Variants in DCC observed in about 807,000 individuals in gnomAD.
DCC encodes netrin receptor DCC.
Under a neutral mutation model 172.5 loss-of-function variants are expected in DCC, and 58 were observed. The ratio of observed to expected loss-of-function variants is 0.34; its 90% confidence interval spans 0.27 to 0.42. DCC has a LOEUF of 0.42. Ranked by LOEUF, DCC falls within the 10% of genes least tolerant of loss-of-function variation. The pLI is 1.00. For synonymous variants in DCC, 709 were observed against 644.5 expected, an observed-to-expected ratio of 1.10 and a Z score of -1.52; for missense variants, 1,740 against 1,791.0, an observed-to-expected ratio of 0.97 and a Z score of 0.51.
intron 2 of DCC, among the ~76,000 whole-genome samples, chr18:52,817,120 TTAAGA>T (rs1489582204): frequency 6.6e-6 from 1 of 152,250 alleles, no homozygotes; most frequent in Non-Finnish European, 1.5e-5. Flanking sequence ...CAATTATTAC[TTAAGA>T]TAATAAAGAA....
intron 5 of DCC, among the ~76,000 whole-genome samples, chr18:53,055,878 T>C (rs1303274180): frequency 6.6e-6 from 1 of 152,124 alleles, no homozygotes; most frequent in Non-Finnish European, 1.5e-5. Context: ...AAAGATCAAG[T>C]TAGCCAAATA....
intron 17 of DCC, among the ~76,000 whole-genome samples, chr18:53,394,401 T>C (rs181193466): frequency 2.1e-4 from 32 of 152,338 alleles, no homozygotes; most frequent in African/African-American, 7.7e-4. Flanking sequence ...AGTGTCCTTC[T>C]AGTTCCATTT....
intron 1 of DCC, chr18:52,409,081 T>A (rs1986754377): frequency 6.6e-6 from 1 of 152,130 alleles, no homozygotes; most frequent in Admixed American, 6.6e-5. Flanking sequence ...ATGTTTTGAT[T>A]CATTATTTCA....
At chr18:53,273,787 A>G (rs1320017075) in intron 12 of DCC, among the ~76,000 whole-genome samples, 1 of 151,366 alleles carries the variant, frequency 6.6e-6, no homozygotes, top group Non-Finnish European at 1.5e-5. Flanking sequence ...CAACTCAGCA[A>G]CACTTCAGGG....
In DCC at chr18:53,129,193, T is replaced by G. The variant is rs1448912975; in HGVS notation, c.1262-28163T>G. On this transcript the variant is annotated intron_variant, in intron 7 of 28. Transcript: ENST00000442544. The stretch of plus-strand genomic sequence containing the variant: ...TGAGACACTGTTCTCAGCCTCTATA[T>G]TCTTAAATAATATTCATGAATAGGC... Among the ~76,000 whole-genome samples, 6 of 152,172 alleles carry G rather than the reference T, an allele frequency of 3.9e-5. No individual in the cohort carries two copies. In the East Asian group the frequency reaches 1.2e-3, roughly 29 times the overall value.
intron 5 of DCC, among the ~76,000 whole-genome samples, chr18:52,953,166 A>G (rs1481425160): frequency 6.6e-6 from 1 of 152,194 alleles, no homozygotes; most frequent in Non-Finnish European, 1.5e-5. Context: ...AGATATGCTT[A>G]TCAAATATTT....
At chr18:52,595,716 T>G (rs923598852) in intron 1 of DCC, among the ~76,000 whole-genome samples, 4 of 152,318 alleles carry the variant, frequency 2.6e-5, no homozygotes, top group Admixed American at 6.5e-5. Context: ...CAATCACATT[T>G]CATTGATTCT....
At chr18:52,592,157 A>G (rs2033814725) in intron 1 of DCC, among the ~76,000 whole-genome samples, 1 of 152,120 alleles carries the variant, frequency 6.6e-6, no homozygotes, top group African/African-American at 2.4e-5. Flanking sequence ...AGAGTTTGTG[A>G]TAAGTCAAGA....
At chr18:53,049,257 A>G (rs935113349) in intron 5 of DCC, among the ~76,000 whole-genome samples, 1 of 152,020 alleles carries the variant, frequency 6.6e-6, no homozygotes, top group Non-Finnish European at 1.5e-5. Flanking sequence ...AATCTTTGCC[A>G]GGTCCTATGT....
chr18:52,378,248 A>G (rs1985435276), intron 1 of DCC, among the ~76,000 whole-genome samples: 1 of 152,062 alleles, frequency 6.6e-6, no homozygotes, highest in Non-Finnish European at 1.5e-5. Flanking sequence ...AATTAACTGA[A>G]TTTGGTTAGA....
intron 1 of DCC, among the ~76,000 whole-genome samples, chr18:52,363,446 C>A (rs1045810922): frequency 6.6e-6 from 1 of 152,176 alleles, no homozygotes; most frequent in African/African-American, 2.4e-5. Flanking sequence ...ACACTTCCTT[C>A]CCCTGAAAGA....
intron 1 of DCC, among the ~76,000 whole-genome samples, chr18:52,545,647 C>A (rs1213425588): frequency 6.6e-6 from 1 of 152,136 alleles, no homozygotes; most frequent in African/African-American, 2.4e-5. Context: ...AGGAGATTAT[C>A]ATAGGTTATT....
At chr18:52,652,620 C>T (rs1337112845) in intron 1 of DCC, among the ~76,000 whole-genome samples, 4 of 151,950 alleles carry the variant, frequency 2.6e-5, no homozygotes, top group African/African-American at 9.7e-5. Context: ...TGTGCTTTGG[C>T]CTCCTGGCTA....
intron 1 of DCC, among the ~76,000 whole-genome samples, chr18:52,708,373 C>T (rs1025506587): frequency 1.3e-5 from 2 of 150,226 alleles, no homozygotes; most frequent in African/African-American, 4.9e-5. Context: ...ACCCAGGAGG[C>T]AGAGCTTGCA....
chr18:53,134,264 A>T (rs1314583656), intron 7 of DCC, among the ~76,000 whole-genome samples: 1 of 152,180 alleles, frequency 6.6e-6, no homozygotes, highest in Non-Finnish European at 1.5e-5. Flanking sequence ...CAGGACATGC[A>T]CTTAATTATA....
chr18:52,739,321 A>C (rs988118371), intron 1 of DCC, among the ~76,000 whole-genome samples: 13 of 152,236 alleles, frequency 8.5e-5, no homozygotes, highest in African/African-American at 3.1e-4. Flanking sequence ...TGATTGAAGA[A>C]ATTTTTCCAA....
chr18:53,517,768 T>G (rs1358045909), intron 27 of DCC, among the ~76,000 whole-genome samples: 4 of 152,082 alleles, frequency 2.6e-5, no homozygotes, highest in Non-Finnish European at 4.4e-5. Flanking sequence ...ACAATGTTTC[T>G]CTCCCCAGAA....
chr18:53,054,680 A>C (rs2042379648), intron 5 of DCC, among the ~76,000 whole-genome samples: 1 of 152,126 alleles, frequency 6.6e-6, no homozygotes, highest in Non-Finnish European at 1.5e-5. Context: ...GGGCAATGGG[A>C]TTATTTGTCT....
chr18:52,623,397 A>G (rs79377932), intron 1 of DCC, among the ~76,000 whole-genome samples: 4,099 of 152,318 alleles, frequency 0.027, 125 homozygotes, highest in East Asian at 0.09. Flanking sequence ...ATTCTCTTCA[A>G]AGATGTGCAG....
Sources: gnomAD v4.1 joint callset for allele counts (sites outside exome capture counted in the v4.1 genomes callset) on GRCh38, gnomAD v4.1.1 for gene constraint, MANE v1.5 for transcripts, NCBI Gene and HGNC (gene_info 2026-07-23, HGNC 2026-07-21) for gene names.